Variants in DMWD observed in about 807,000 individuals in gnomAD.
DMWD encodes the protein dystrophia myotonica WD repeat-containing protein.
DMWD carries 19 observed loss-of-function variants against 45.8 expected under a neutral mutation model. The ratio of observed to expected loss-of-function variants is 0.41; its 90% CI spans 0.29 to 0.61. DMWD has a LOEUF of 0.61. DMWD is among the 20% of genes least tolerant of loss of function. The pLI is 0.25. For missense variants in DMWD, 802 were observed against 965.2 expected (o/e 0.83, Z 2.24); for synonymous variants, 515 against 440.5 (o/e 1.17, Z -2.12).
intron 4 of DMWD, 60 bp from the exon 5 acceptor site, chr19:45,784,350 G>A: frequency 2.0e-6 from 3 of 1,470,942 alleles, no homozygotes; most frequent in Non-Finnish European, 1.8e-6. Flanking sequence ...TTCAGCCAGT[G>A]TCAAGGGGAG....
rs1428955254 is a variant in DMWD at position 45,789,455 on chromosome 19, G to A, written c.624+1450C>T. On this transcript the variant is annotated intron_variant, in intron 2 of 4. Transcript: ENST00000270223. ...GTAGGCCAAGTTGGCCCAGGACTGA[G>A]CAATCTCCATGTATGATTCTACAAC... The A allele has an allele frequency of 2.6e-5, 4 of 152,388 alleles. No homozygotes were observed. In the East Asian group the frequency reaches 7.7e-4, roughly 29 times the overall value. 9.4% of individuals were successfully genotyped at this position (152,388 alleles called of 1,614,324 possible). A position where few individuals can be genotyped will look rare whatever the true frequency, so the allele number is the denominator to read the frequency against.
rs571413952 is a variant in DMWD at position 45,786,117 on chromosome 19, C to A, written c.1379G>T (p.Arg460Leu). 2.6e-6 allele frequency: 4 copies of A among 1,534,674 alleles called. No homozygotes were observed. Among genetic ancestry groups the A allele is most frequent in the South Asian group, 2.5e-5 (2 of 80,798 alleles). Reference sequence around the variant, plus strand: ...GGTGCCAGGTGTGCCAGGGAGGGTGCGGGTGCGGGCCAGGGGGGGGTGCGG... The same window carrying A: ...GGTGCCAGGTGTGCCAGGGAGGGTGAGGGTGCGGGCCAGGGGGGGGTGCGG... ...LYPHPPLART[R>L]TLPGTPGTTP... Residue 460 changes from arginine (R) to leucine (L), a missense_variant, in exon 3 of 5, where the codon CGC (arginine) becomes CTC (leucine). Arg to Leu is a moderately radical substitution (Grantham distance 102). This residue lies in a region of DMWD where 303 missense variants were observed against 332.9 expected (regional missense o/e 0.91). Transcript: ENST00000270223.
At position 45,786,058 on chromosome 19, in the gene DMWD, C is replaced by T. The variant is rs1353351554; in HGVS notation, c.1438G>A (p.Glu480Lys). ...PPAASSSRGG[E>K]PGPGPLPRSL... Reference sequence around the variant, plus strand: ...CGAGGCAGGGGGCCTGGGCCAGGCTCGCCACCCCTCGAGCTGCTGGCGGCC... The same window carrying T: ...CGAGGCAGGGGGCCTGGGCCAGGCTTGCCACCCCTCGAGCTGCTGGCGGCC... The change falls in exon 3 of 5, where the codon GAG (glutamate) becomes AAG (lysine). Residue 480 changes from glutamate (E) to lysine (K), a missense_variant. Transcript: ENST00000270223. 6.6e-7 allele frequency: 1 copy of T among 1,523,624 alleles called. No homozygotes were observed. Among genetic ancestry groups the T allele is most frequent in the East Asian group, 2.4e-5 (1 of 41,748 alleles). 94.4% of individuals were successfully genotyped at this position (1,523,624 alleles called of 1,614,324 possible).
rs901606791 is a variant in DMWD, at chr19:45,783,426, G to C, written c.*817C>G. On this transcript the variant is annotated 3_prime_UTR_variant, in exon 5 of 5. Transcript: ENST00000270223. ...CCCAGCTGGGCAGGGCCTGGGAAAC[G>C]TGGTCCTGGGCAGTTCTGATAATTT... is the stretch of plus-strand genomic sequence containing the variant. 6 of 396,312 alleles carry C rather than the reference G, an allele frequency of 1.5e-5. No individual in the cohort carries two copies. The highest frequency in any genetic ancestry group is 1.2e-3 in the Middle Eastern group (2 of 1,604). The allele number at this position is 396,312 out of a possible 1,614,324, so 24.5% of individuals were successfully genotyped here. A position where few individuals can be genotyped will look rare whatever the true frequency, so the allele number is the denominator to read the frequency against.
chr19:45,792,707 C>A lies in DMWD; in HGVS notation c.50G>T (p.Gly17Val). The change falls in exon 1 of 5, where the codon GGG becomes GTG. Residue 17 changes from glycine (G) to valine (V), a missense_variant. Gly to Val is a moderately radical substitution (Grantham distance 109). Transcript: ENST00000270223. ...TTGCGACTTAATCTCCGCGCAGTCC[C>A]CCATGGCGGCGCCGGGGCCCGAGCC... ...EGGSGPGAAM[G>V]DCAEIKSQFR... 1 of 1,231,602 alleles carries A rather than the reference C, an allele frequency of 8.1e-7. No homozygotes were observed. The highest frequency in any genetic ancestry group is 1.0e-6 in the Non-Finnish European group (1 of 969,584). The allele number at this position is 1,231,602 out of a possible 1,614,324, so 76.3% of individuals were successfully genotyped here.
chr19:45,788,587 C>T (rs376953954), intron 2 of DMWD, among the ~76,000 whole-genome samples: 14 of 152,334 alleles, frequency 9.2e-5, no homozygotes, highest in South Asian at 2.1e-4. Flanking sequence ...ACTGGCCACA[C>T]GGCTTCTGTG....
At position 45,792,633 on chromosome 19, in the gene DMWD, C is replaced by A; in HGVS notation, c.124G>T (p.Ala42Ser). Residue 42 changes from alanine (A) to serine (S), a missense_variant, in exon 1 of 5, where the codon GCT becomes TCT. Ala to Ser is a moderately conservative substitution (Grantham distance 99). Coordinates refer to ENST00000270223, the MANE Select transcript of DMWD (RefSeq NM_004943.2). Reference protein sequence around the residue: ...FYKLLPGDGAARRSGPASAQT... With the variant: ...FYKLLPGDGASRRSGPASAQT... ...GCGGAAGCCGGACCCGACCTGCGAG[C>A]GGCGCCGTCGCCCGGGAGTAGCTTG... 1 of 1,333,130 alleles carries A rather than the reference C, an allele frequency of 7.5e-7. No homozygotes were observed. Among genetic ancestry groups the A allele is most frequent in the Non-Finnish European group, 9.7e-7 (1 of 1,025,904 alleles). 82.6% of individuals were successfully genotyped at this position (1,333,130 alleles called of 1,614,324 possible).
Position 45,783,871 on chromosome 19 carries a change from AC to A in DMWD, c.*371del, listed in dbSNP as rs1568590505. Reference sequence around the variant, plus strand: ...GTGGGGGCCGGGCGAGGGCTGGACCACCCCCGGCCCTGCCCACTCAACTGAG... The same window carrying A: ...GTGGGGGCCGGGCGAGGGCTGGACCACCCCGGCCCTGCCCACTCAACTGAG... On this transcript the variant is annotated 3_prime_UTR_variant, in exon 5 of 5. Coordinates refer to ENST00000270223, the MANE Select transcript of DMWD (RefSeq NM_004943.2). 2 of 469,994 alleles carry A rather than the reference AC, an allele frequency of 4.3e-6. No homozygotes were observed. Among genetic ancestry groups the A allele is most frequent in the South Asian group, 4.3e-5 (1 of 23,290 alleles). 29.1% of individuals were successfully genotyped at this position (469,994 alleles called of 1,614,324 possible).
At position 45,784,029 on chromosome 19, in the gene DMWD, G is replaced by A. The variant is rs1267959695; in HGVS notation, c.*214C>T. 3.1e-6 allele frequency: 2 copies of A among 643,890 alleles called. No individual in the cohort carries two copies. Among genetic ancestry groups the A allele is most frequent in the Non-Finnish European group, 2.7e-6 (1 of 364,166 alleles). 39.9% of individuals were successfully genotyped at this position (643,890 alleles called of 1,614,324 possible). A position where few individuals can be genotyped will look rare whatever the true frequency, so the allele number is the denominator to read the frequency against. On this transcript the variant is annotated 3_prime_UTR_variant, in exon 5 of 5. Coordinates refer to ENST00000270223, the MANE Select transcript of DMWD (RefSeq NM_004943.2). ...GAGGAAGAGGTCATTGTACTTGGCA[G>A]TGGGTGGGGGACAAGGCTGAGGCCA...
intron 1 of DMWD, 67 bp downstream of exon 1, chr19:45,792,249 C>A (rs1970364525): frequency 5.2e-6 from 8 of 1,541,516 alleles, no homozygotes; most frequent in Non-Finnish European, 7.0e-6. Context: ...ATTCGGGGAC[C>A]CTCCTATCAG....
Position 45,785,839 on chromosome 19 carries a change from C to T in DMWD, c.1657G>A (p.Gly553Ser). ...YHSLGNISRG[G>S]SGGSGSGGEK... ...CCACCACTGCCACTGCCGCCACTGC[C>T]ACCCCGGCTGATGTTGCCCAGGCTG... The change falls in exon 3 of 5, where the codon GGC (glycine) becomes AGC (serine). Residue 553 changes from glycine to serine, a missense_variant. By Grantham distance (56) the Gly-to-Ser change is moderately conservative. This residue lies in a region of DMWD where 303 missense variants were observed against 332.9 expected (regional missense o/e 0.91). Coordinates refer to ENST00000270223, the MANE Select transcript of DMWD (RefSeq NM_004943.2). 1.9e-6 allele frequency: 3 copies of T among 1,610,606 alleles called. No individual in the cohort carries two copies. Among genetic ancestry groups the T allele is most frequent in the African/African-American group, 2.7e-5 (2 of 75,044 alleles).
At chr19:45,789,798 A>T (rs1970330368) in intron 2 of DMWD, 1 of 152,292 alleles carries the variant, frequency 6.6e-6, no homozygotes, top group East Asian at 1.9e-4. Flanking sequence ...TGGGCGGATC[A>T]CAAGGTCAGG....
In DMWD at chr19:45,788,101, C is replaced by T. The variant is rs191536083; in HGVS notation, c.625-1230G>A. ...CAAAATAAAAAAAAAAGAAAAAATACACCCAGAATCTGACCTCCTCTCACC... is the reference window on the plus strand; with the variant it reads ...CAAAATAAAAAAAAAAGAAAAAATATACCCAGAATCTGACCTCCTCTCACC... On this transcript the variant is annotated intron_variant, in intron 2 of 4. Coordinates refer to ENST00000270223, the MANE Select transcript of DMWD (RefSeq NM_004943.2). Among the ~76,000 whole-genome samples the T allele has an allele frequency of 2.9e-3, 440 of 152,074 alleles. 4 individuals carry two copies. Among genetic ancestry groups the T allele is most frequent in the African/African-American group, 1.0e-2 (414 of 41,478 alleles).
At chr19:45,787,014 A>G in intron 2 of DMWD, 143 bp from the exon 3 acceptor site, 1 of 1,400,994 alleles carries the variant, frequency 7.1e-7, no homozygotes, top group East Asian at 2.5e-5. Flanking sequence ...TCCTCCTCGG[A>G]GAGAAGCTCC....
rs777274590 is a variant in DMWD at position 45,783,292 on chromosome 19, C to G, written c.*951G>C. 6.0e-6 allele frequency: 2 copies of G among 332,710 alleles called. No homozygotes were observed. The highest frequency in any genetic ancestry group is 2.1e-5 in the African/African-American group (1 of 47,254). 20.6% of individuals were successfully genotyped at this position (332,710 alleles called of 1,614,324 possible). On this transcript the variant is annotated 3_prime_UTR_variant, in exon 5 of 5. Coordinates refer to ENST00000270223, the MANE Select transcript of DMWD (RefSeq NM_004943.2). ...CCAAGAGGAATCTGAGCTCTTCTTT[C>G]CAGGGTGGACGGTTCTCCAGAGTGG...
Position 45,785,843 on chromosome 19 carries a change from C to T in DMWD, c.1653G>A (p.Arg551=), listed in dbSNP as rs1340780836. The change falls in exon 3 of 5, where the codon CGG becomes CGA. Residue 551 remains arginine, a synonymous_variant. Coordinates refer to ENST00000270223, the MANE Select transcript of DMWD (RefSeq NM_004943.2). ...KRYHSLGNIS[R]GGSGGSGSGG... ...CACTGCCACTGCCGCCACTGCCACC[C>T]CGGCTGATGTTGCCCAGGCTGTGGT... is the stretch of plus-strand genomic sequence containing the variant. 4 of 1,610,338 alleles carry T rather than the reference C, an allele frequency of 2.5e-6. No individual in the cohort carries two copies. In the Admixed American group the frequency reaches 5.0e-5, roughly 20 times the overall value.
At position 45,786,116 on chromosome 19, in the gene DMWD, G is replaced by A; in HGVS notation, c.1380C>T (p.Arg460=). ...LYPHPPLART[R]TLPGTPGTTP... ...TGGTGCCAGGTGTGCCAGGGAGGGT[G>A]CGGGTGCGGGCCAGGGGGGGGTGCG... The change falls in exon 3 of 5, where the codon CGC becomes CGT. Residue 460 remains arginine, a synonymous_variant. Transcript: ENST00000270223. 1 of 1,535,968 alleles carries A rather than the reference G, an allele frequency of 6.5e-7. No homozygotes were observed. The highest frequency in any genetic ancestry group is 8.8e-7 in the Non-Finnish European group (1 of 1,139,072).
At chr19:45,784,986 C>T (rs1970251720) in intron 3 of DMWD, among the ~76,000 whole-genome samples, 1 of 152,204 alleles carries the variant, frequency 6.6e-6, no homozygotes, top group Admixed American at 6.5e-5. Flanking sequence ...ACGCCACAGC[C>T]CACCCAGGAG....
intron 2 of DMWD, 114 bp from the exon 3 acceptor site, chr19:45,786,985 G>C: frequency 6.7e-7 from 1 of 1,487,370 alleles, no homozygotes; most frequent in Admixed American, 2.2e-5. Flanking sequence ...CACACAGCAG[G>C]TGCCACACCA....
Sources: gnomAD v4.1 joint callset for allele counts (sites outside exome capture counted in the v4.1 genomes callset) on GRCh38, gnomAD v4.1.1 for gene constraint, gnomAD v4.1.1 regional missense constraint, MANE v1.5 for transcripts, NCBI Gene and HGNC (gene_info 2026-07-23, HGNC 2026-07-21) for gene names.